SLC35A3: variants seen among roughly 807,000 people sequenced by gnomAD.
SLC35A3 encodes UDP-N-acetylglucosamine transporter.
SLC35A3 carries 26 observed loss-of-function variants against 39.0 expected under a neutral mutation model. The observed-to-expected ratio is 0.67, with a 90% CI of 0.49 to 0.92. SLC35A3 has a LOEUF of 0.92. SLC35A3 is among the 40% of genes least tolerant of loss of function. SLC35A3 has a pLI of 0.00. For synonymous variants in SLC35A3, 135 were observed against 133.1 expected (o/e 1.01, Z -0.10); for missense variants, 299 against 371.6 (o/e 0.80, Z 1.61).
Position 100,011,444 on chromosome 1 carries a change from C to T in SLC35A3, c.545C>T (p.Ala182Val). ...QFVGLMAVLTACFSSGFAGVY... is the reference protein window; with the variant it reads ...QFVGLMAVLTVCFSSGFAGVY... ...GTAGGACTCATGGCAGTTCTCACAG[C>T]ATGTTTTTCAAGTGGCTTTGCTGGG... Residue 182 changes from alanine to valine, a missense_variant, in exon 5 of 8, where the codon GCA becomes GTA. Coordinates refer to ENST00000533028, the MANE Select transcript of SLC35A3 (RefSeq NM_012243.3). 1 of 1,582,022 alleles carries T rather than the reference C, an allele frequency of 6.3e-7. No homozygotes were observed. The highest frequency in any genetic ancestry group is 8.6e-7 in the Non-Finnish European group (1 of 1,157,532).
At chr1:99,990,120 A>T (rs1657989195) in intron 1 of SLC35A3, among the ~76,000 whole-genome samples, 1 of 151,970 alleles carries the variant, frequency 6.6e-6, no homozygotes, top group Non-Finnish European at 1.5e-5. Flanking sequence ...TGCTTTTTGT[A>T]TCCTAAGAAC....
At chr1:100,018,921 C>T (rs1647573427) in intron 7 of SLC35A3, among the ~76,000 whole-genome samples, 1 of 152,138 alleles carries the variant, frequency 6.6e-6, no homozygotes, top group South Asian at 2.1e-4. Context: ...CTGGAACATA[C>T]ATGTTGAGAT....
intron 1 of SLC35A3, among the ~76,000 whole-genome samples, chr1:99,978,646 A>G (rs1424769471): frequency 6.6e-6 from 1 of 152,236 alleles, no homozygotes; most frequent in African/African-American, 2.4e-5. Flanking sequence ...TGTTTTTTCT[A>G]TGGAAATGTT....
intron 2 of SLC35A3, among the ~76,000 whole-genome samples, 175 bp downstream of exon 2, chr1:99,993,916 C>T (rs1335330377): frequency 2.8e-5 from 4 of 140,742 alleles, no homozygotes; most frequent in Non-Finnish European, 6.1e-5. Context: ...CCATTTTAAT[C>T]TGTATCATGA....
intron 3 of SLC35A3, among the ~76,000 whole-genome samples, chr1:100,004,474 A>C (rs909514082): frequency 9.2e-5 from 14 of 151,590 alleles, no homozygotes; most frequent in Non-Finnish European, 1.6e-4. Flanking sequence ...GCTAACTTTC[A>C]TATTTTTTTA....
Position 100,033,687 on chromosome 1 carries a change from C to G in SLC35A3, c.*11211C>G, listed in dbSNP as rs1661368057. On this transcript the variant is annotated 3_prime_UTR_variant, in exon 8 of 8. Transcript: ENST00000533028. The stretch of plus-strand genomic sequence containing the variant: ...CACCTTTAAATGATGTTCTTTGACT[C>G]TTATCTAATTGTCTATGTGACCGTC... 1 of 152,048 alleles carries G rather than the reference C, an allele frequency of 6.6e-6. No individual in the cohort carries two copies. Among genetic ancestry groups the G allele is most frequent in the Admixed American group, 6.6e-5 (1 of 15,258 alleles). 9.4% of individuals were successfully genotyped at this position (152,048 alleles called of 1,614,324 possible).
rs1462890927 is a variant in SLC35A3 at position 100,022,440 on chromosome 1, T to C, written c.942T>C (p.Tyr314=). The C allele has an allele frequency of 6.2e-6, 10 of 1,607,152 alleles. No homozygotes were observed. The highest frequency in any genetic ancestry group is 1.1e-5 in the South Asian group (1 of 90,532). ...TAACAGCTACTTTTTTGTATGGTTATGATCCCAAACCTGCAGGAAATCCCA... is the reference window on the plus strand; with the variant it reads ...TAACAGCTACTTTTTTGTATGGTTACGATCCCAAACCTGCAGGAAATCCCA... ...LVITATFLYG[Y]DPKPAGNPTK... Residue 314 remains tyrosine, a synonymous_variant, in exon 8 of 8, where the codon TAT becomes TAC. Transcript: ENST00000533028.
chr1:100,007,724 C>G lies in SLC35A3; in HGVS notation c.465+568C>G, dbSNP rs1359935352. The G allele has an allele frequency of 3.3e-5, 5 of 152,296 alleles. No homozygotes were observed. In the East Asian group the frequency reaches 5.7e-4, roughly 17 times the overall value. The allele number at this position is 152,296 out of a possible 1,614,324, so 9.4% of individuals were successfully genotyped here. A position where few individuals can be genotyped will look rare whatever the true frequency, so the allele number is the denominator to read the frequency against. On this transcript the variant is annotated intron_variant, in intron 4 of 7. Transcript: ENST00000533028. The stretch of plus-strand genomic sequence containing the variant: ...ACGGGGTCTCACTGTGTTTCCCAGA[C>G]TAGTCTCTCAAACTTCTGGGCTGAA...
rs1028504272 is a variant in SLC35A3 at position 100,005,255 on chromosome 1, CTTTGACT to C, written c.343-1767_343-1761del. ...TCTCTTGCTGTTTTTAGGGTTCTCT[CTTTGACT>C]TTTGACTTTTGGTAGTTTGACTTTT... On this transcript the variant is annotated intron_variant, in intron 3 of 7. Coordinates refer to ENST00000533028, the MANE Select transcript of SLC35A3 (RefSeq NM_012243.3). Among the ~76,000 whole-genome samples the C allele has an allele frequency of 9.9e-5, 15 of 152,208 alleles. 1 individual carries two copies. Among genetic ancestry groups the C allele is most frequent in the Admixed American group, 8.5e-4 (13 of 15,296 alleles).
intron 7 of SLC35A3, among the ~76,000 whole-genome samples, chr1:100,019,674 C>A (rs532971903): frequency 6.6e-6 from 1 of 152,020 alleles, no homozygotes; most frequent in Non-Finnish European, 1.5e-5. Flanking sequence ...TGAAATGGTA[C>A]GCCTATACTT....
intron 1 of SLC35A3, among the ~76,000 whole-genome samples, chr1:99,977,604 G>A (rs900248353): frequency 6.6e-6 from 1 of 151,892 alleles, no homozygotes; most frequent in Non-Finnish European, 1.5e-5. Flanking sequence ...GGGCAGTGAT[G>A]TGATTACAGC....
At chr1:100,001,143 G>A (rs923421848) in intron 3 of SLC35A3, among the ~76,000 whole-genome samples, 1 of 152,008 alleles carries the variant, frequency 6.6e-6, no homozygotes, top group Non-Finnish European at 1.5e-5. Flanking sequence ...ATAGTGTGAT[G>A]CCTCTAGCTT....
chr1:99,992,579 A>G (rs1189070768), intron 1 of SLC35A3, among the ~76,000 whole-genome samples: 1 of 152,094 alleles, frequency 6.6e-6, no homozygotes, highest in Admixed American at 6.6e-5. Context: ...TATTTTTTAA[A>G]CTATGTGAGT....
intron 2 of SLC35A3, among the ~76,000 whole-genome samples, chr1:99,994,118 A>C (rs1161425161): frequency 1.3e-5 from 2 of 152,098 alleles, no homozygotes; most frequent in South Asian, 2.1e-4. Flanking sequence ...AATTTTATAT[A>C]GTTTTAAAAA....
chr1:100,024,367 A>G lies in SLC35A3; in HGVS notation c.*1891A>G, dbSNP rs907355503. Reference sequence around the variant, plus strand: ...GGAATTCGAGACCAGCCTGGCCAGCATGGTGAAATCCCATCTCTACTAATA... The same window carrying G: ...GGAATTCGAGACCAGCCTGGCCAGCGTGGTGAAATCCCATCTCTACTAATA... On this transcript the variant is annotated 3_prime_UTR_variant, in exon 8 of 8. Transcript: ENST00000533028. 1 of 151,908 alleles carries G rather than the reference A, an allele frequency of 6.6e-6. No homozygotes were observed. 9.4% of individuals were successfully genotyped at this position (151,908 alleles called of 1,614,324 possible).
At position 100,034,507 on chromosome 1, in the gene SLC35A3, T is replaced by A. The variant is rs1229845549; in HGVS notation, c.*12031T>A. The A allele has an allele frequency of 6.6e-6, 1 of 152,236 alleles. No homozygotes were observed. Among genetic ancestry groups the A allele is most frequent in the Non-Finnish European group, 1.5e-5 (1 of 68,044 alleles). 9.4% of individuals were successfully genotyped at this position (152,236 alleles called of 1,614,324 possible). On this transcript the variant is annotated 3_prime_UTR_variant, in exon 8 of 8. Coordinates refer to ENST00000533028, the MANE Select transcript of SLC35A3 (RefSeq NM_012243.3). ...CTAGAGGGTAGTATTTTCTATTGAT[T>A]GAAAAGTTTTCATTTTCTGTTTTTT...
chr1:99,978,425 G>A (rs1287305162), intron 1 of SLC35A3, among the ~76,000 whole-genome samples: 1 of 152,328 alleles, frequency 6.6e-6, no homozygotes, highest in East Asian at 1.9e-4. Flanking sequence ...TACTCAGGAG[G>A]CTGAGGTGGG....
chr1:100,020,735 G>A (rs1278616547), intron 7 of SLC35A3, among the ~76,000 whole-genome samples: 1 of 152,112 alleles, frequency 6.6e-6, no homozygotes, highest in Non-Finnish European at 1.5e-5. Flanking sequence ...GTTATGCTGG[G>A]GTAGTTCTGC....
intron 6 of SLC35A3, 113 bp from the exon 7 acceptor site, chr1:100,017,569 T>G (rs1660240780): frequency 1.6e-6 from 1 of 635,078 alleles, no homozygotes; most frequent in Admixed American, 3.7e-5. Context: ...AATCCCTTAC[T>G]ATAATGGGAT....
Sources: gnomAD v4.1 joint callset for allele counts (sites outside exome capture counted in the v4.1 genomes callset) on GRCh38, gnomAD v4.1.1 for gene constraint, MANE v1.5 for transcripts, NCBI Gene and HGNC (gene_info 2026-07-23, HGNC 2026-07-21) for gene names.